The following SEC31A variants were observed in gnomAD, a reference collection of about 807,000 sequenced individuals.
SEC31A encodes protein transport protein Sec31A.
SEC31A carries 70 observed loss-of-function variants against 151.0 expected under a neutral mutation model. The observed-to-expected ratio is 0.46, with a 90% confidence interval of 0.38 to 0.57. The LOEUF (loss-of-function observed/expected upper bound fraction) is 0.57. Ranked by LOEUF, SEC31A falls within the 20% of genes least tolerant of loss-of-function variation. The pLI is 0.00. For missense variants in SEC31A, 1,330 were observed against 1,471.2 expected (o/e 0.90, Z 1.57); for synonymous variants, 475 against 505.9 (o/e 0.94, Z 0.82).
chr4:82,881,018 T>C (rs1739163123), intron 2 of SEC31A, 96 bp from the exon 3 acceptor site: 2 of 986,530 alleles, frequency 2.0e-6, no homozygotes, highest in Admixed American at 4.4e-5. Flanking sequence ...TCCATTCTCT[T>C]GCTCATGAAT....
intron 4 of SEC31A, 31 bp from the exon 5 acceptor site, chr4:82,875,853 T>G (rs896149680): frequency 8.5e-7 from 1 of 1,174,320 alleles, no homozygotes; most frequent in Non-Finnish European, 1.2e-6. Context: ...TAAATAGCAC[T>G]TATGAATAAT....
At chr4:82,896,272 GCAGTGGCCAATCTTGGCC>G (rs1720054533) in intron 3 of SEC31A, among the ~76,000 whole-genome samples, 1 of 152,170 alleles carries the variant, frequency 6.6e-6, no homozygotes, top group Non-Finnish European at 1.5e-5. Flanking sequence ...AGGCTGGAGT[GCAGTGGCCAATCTTGGCC>G]CACTGCAACC....
At chr4:82,836,372 C>CAAAAAA (rs70943158) in intron 22 of SEC31A, among the ~76,000 whole-genome samples, 137 of 60,520 alleles carry the variant, frequency 2.3e-3, no homozygotes, top group Non-Finnish European at 3.3e-3. Flanking sequence ...GACTCCATCT[C>CAAAAAA]AAAAAAAAAA....
At chr4:82,881,053 T>G (rs890109520) in intron 2 of SEC31A, 131 bp from the exon 3 acceptor site, 8 of 709,504 alleles carry the variant, frequency 1.1e-5, no homozygotes, top group Non-Finnish European at 1.6e-5. Flanking sequence ...ATTGAGCAGA[T>G]GCTTAAATTA....
At chr4:82,842,744 G>C (rs1468317012) in intron 21 of SEC31A, 1 of 350,732 alleles carries the variant, frequency 2.9e-6, no homozygotes, top group Non-Finnish European at 5.2e-6. Context: ...CCCAAGAACT[G>C]CAAGACTGAC....
rs1159540074 is a variant in SEC31A at position 82,864,716 on chromosome 4, C to T, written c.1198-118G>A. 8.7e-6 allele frequency: 6 copies of T among 691,542 alleles called. No individual in the cohort carries two copies. The South Asian group carries it at 9.6e-5, about 11-fold the overall frequency. The allele number at this position is 691,542 out of a possible 1,614,324, so 42.8% of individuals were successfully genotyped here. The stretch of plus-strand genomic sequence containing the variant: ...AAATTAGTTGATACAACCTCTCATG[C>T]GCCACAGTCTGACACCACTTCAATT... On this transcript the variant is annotated intron_variant, in intron 10 of 26. Transcript: ENST00000395310.
chr4:82,863,844 T>C (rs904194731), intron 11 of SEC31A, among the ~76,000 whole-genome samples: 15 of 152,166 alleles, frequency 9.9e-5, no homozygotes, highest in Admixed American at 2.6e-4. Flanking sequence ...TCAAGACTGC[T>C]TTACCTTTGA....
At chr4:82,828,919 A>C in intron 23 of SEC31A, 81 bp downstream of exon 23, 1 of 1,048,566 alleles carries the variant, frequency 9.5e-7, no homozygotes, top group Non-Finnish European at 1.5e-6. Flanking sequence ...TAAAAGGATC[A>C]GTGAAGTATA....
chr4:82,894,525 T>G (rs1719978990), upstream of SEC31A: 1 of 152,254 alleles, frequency 6.6e-6, no homozygotes, highest in African/African-American at 2.4e-5. Context: ...TTGTTTCTGC[T>G]GTTAATTGTT....
Position 82,856,990 on chromosome 4 carries a change from T to C in SEC31A, c.1843A>G (p.Lys615Glu). The C allele has an allele frequency of 1.2e-6, 2 of 1,610,586 alleles. No individual in the cohort carries two copies. Among genetic ancestry groups the C allele is most frequent in the Non-Finnish European group, 1.7e-6 (2 of 1,179,130 alleles). ...CTTTGGGATTTTGCGAAGTATTTTT[T>C]CTGGGTTCGAGCCAAGAGTTCTTGT... ...GGQELLARTQ[K>E]KYFAKSQSKI... Residue 615 changes from lysine to glutamate, a missense_variant, in exon 16 of 27, where the codon AAA (lysine) becomes GAA (glutamate). By Grantham distance (56) the Lys-to-Glu change is moderately conservative. Transcript: ENST00000395310.
At chr4:82,850,865 G>C (rs913902626) in intron 19 of SEC31A, among the ~76,000 whole-genome samples, 1 of 152,182 alleles carries the variant, frequency 6.6e-6, no homozygotes, top group Non-Finnish European at 1.5e-5. Flanking sequence ...CCCACTTGTT[G>C]AATTGAATTG....
chr4:82,844,897 G>C (rs2149272284), intron 20 of SEC31A, among the ~76,000 whole-genome samples: 1 of 151,994 alleles, frequency 6.6e-6, no homozygotes, highest in Non-Finnish European at 1.5e-5. Context: ...GCTAAAAAAG[G>C]AAAAAGAAAG....
chr4:82,898,952 G>C (rs574576862), intron 3 of SEC31A, among the ~76,000 whole-genome samples: 1 of 151,964 alleles, frequency 6.6e-6, no homozygotes, highest in Non-Finnish European at 1.5e-5. Context: ...AAAAAAAATT[G>C]GAAAACCCAA....
At chr4:82,830,184 C>T (rs774661712) in intron 22 of SEC31A, among the ~76,000 whole-genome samples, 3 of 152,318 alleles carry the variant, frequency 2.0e-5, no homozygotes, top group South Asian at 2.1e-4. Context: ...AGAATTCAGG[C>T]GAGGCGCAGT....
chr4:82,889,476 G>C (rs1266957839), intron 1 of SEC31A, among the ~76,000 whole-genome samples: 1 of 145,908 alleles, frequency 6.9e-6, no homozygotes, highest in Middle Eastern at 3.4e-3. Context: ...GAGCCCAAAA[G>C]TTCAAGGTTA....
At chr4:82,895,238 T>C (rs143220138), upstream of SEC31A, 20 of 152,306 alleles carry the variant, frequency 1.3e-4, no homozygotes, top group African/African-American at 4.3e-4. Context: ...TCCCAGCACT[T>C]TGGGAGGCTG....
chr4:82,875,930 T>G, intron 4 of SEC31A, 108 bp from the exon 5 acceptor site: 1 of 513,726 alleles, frequency 1.9e-6, no homozygotes, highest in Non-Finnish European at 3.4e-6. Context: ...ACAATTTTTC[T>G]ATTTAATTTG....
At chr4:82,846,153 G>A (rs1000269249) in intron 20 of SEC31A, among the ~76,000 whole-genome samples, 1 of 151,764 alleles carries the variant, frequency 6.6e-6, no homozygotes. Context: ...ACAGGCGCCT[G>A]CCACCATGCC....
At chr4:82,891,001 C>A in intron 1 of SEC31A, 87 bp downstream of exon 1, 1 of 1,520,844 alleles carries the variant, frequency 6.6e-7, no homozygotes, top group South Asian at 1.2e-5. Flanking sequence ...GCAGCGGAGA[C>A]CCAGGCTGCG....
Sources: gnomAD v4.1 joint callset for allele counts (sites outside exome capture counted in the v4.1 genomes callset) on GRCh38, gnomAD v4.1.1 for gene constraint, MANE v1.5 for transcripts, NCBI Gene and HGNC (gene_info 2026-07-23, HGNC 2026-07-21) for gene names.